The following TNKS variants were observed in gnomAD, a reference collection of about 807,000 sequenced individuals.
TNKS encodes poly [ADP-ribose] polymerase tankyrase-1.
TNKS carries 72 observed loss-of-function variants against 135.8 expected under a neutral mutation model. The ratio of observed to expected loss-of-function variants is 0.53; its 90% CI spans 0.44 to 0.64. The LOEUF is 0.64. Among genes scored for constraint, TNKS ranks in the 30% least tolerant of loss-of-function variants. TNKS has a pLI of 0.00. For synonymous variants in TNKS, 849 were observed against 649.3 expected, an observed-to-expected ratio of 1.31 and a Z score of -4.68; for missense variants, 1,769 against 1,674.0, an observed-to-expected ratio of 1.06 and a Z score of -0.99.
intron 3 of TNKS, chr8:9,658,288 GCGGCT>G (rs1444595744): frequency 2.5e-6 from 1 of 405,644 alleles, no homozygotes; most frequent in Non-Finnish European, 4.3e-6. Flanking sequence ...GCCAAGGCAG[GCGGCT>G]GCTCCTTGCC....
intron 3 of TNKS, among the ~76,000 whole-genome samples, chr8:9,666,816 A>G (rs778662440): frequency 1.3e-5 from 2 of 152,158 alleles, no homozygotes; most frequent in African/African-American, 2.4e-5. Context: ...GAGCATTGCT[A>G]TATTATTCCA....
chr8:9,619,048 T>G (rs1292697530), intron 3 of TNKS, among the ~76,000 whole-genome samples: 2 of 152,330 alleles, frequency 1.3e-5, no homozygotes, highest in East Asian at 3.9e-4. Flanking sequence ...TTAGGTAGGT[T>G]GTTTTCAGTC....
chr8:9,565,785 A>G (rs371039729), intron 1 of TNKS, among the ~76,000 whole-genome samples: 96 of 152,212 alleles, frequency 6.3e-4, no homozygotes, highest in South Asian at 2.9e-3. Flanking sequence ...TGAACCCCGG[A>G]GGCAGAGCTT....
chr8:9,712,521 C>T (rs911027154), intron 11 of TNKS, among the ~76,000 whole-genome samples: 1 of 152,106 alleles, frequency 6.6e-6, no homozygotes. Context: ...CCCTCAAATT[C>T]CTAATATCAC....
intron 17 of TNKS, 132 bp from the exon 18 acceptor site, chr8:9,747,892 A>T (rs778514117): frequency 1.6e-5 from 14 of 867,736 alleles, no homozygotes; most frequent in Non-Finnish European, 2.2e-5. Context: ...TCTTTTTTTT[A>T]GAAGAAACTT....
intron 3 of TNKS, among the ~76,000 whole-genome samples, chr8:9,645,733 C>G (rs1051249603): frequency 6.6e-6 from 1 of 152,124 alleles, no homozygotes; most frequent in African/African-American, 2.4e-5. Context: ...TGAGGATCCT[C>G]TGTGTTTGAT....
intron 2 of TNKS, among the ~76,000 whole-genome samples, chr8:9,600,995 G>T (rs139477175): frequency 6.6e-6 from 1 of 151,978 alleles, no homozygotes; most frequent in Non-Finnish European, 1.5e-5. Context: ...TTCTTTATTC[G>T]TTACAAAGTA....
At chr8:9,617,456 C>G (rs1799689005) in intron 3 of TNKS, among the ~76,000 whole-genome samples, 1 of 152,128 alleles carries the variant, frequency 6.6e-6, no homozygotes, top group Admixed American at 6.5e-5. Flanking sequence ...TGGAAATGAT[C>G]TACAGCTTTT....
At chr8:9,666,824 C>G (rs971342591) in intron 3 of TNKS, among the ~76,000 whole-genome samples, 3 of 151,960 alleles carry the variant, frequency 2.0e-5, no homozygotes, top group Non-Finnish European at 4.4e-5. Flanking sequence ...CTATATTATT[C>G]CAAAGGCTGG....
chr8:9,730,788 T>G, intron 13 of TNKS, 102 bp from the exon 14 acceptor site: 1 of 1,317,764 alleles, frequency 7.6e-7, no homozygotes. Flanking sequence ...CATTAGACAA[T>G]TATAATTTAC....
intron 23 of TNKS, among the ~76,000 whole-genome samples, chr8:9,765,219 C>G (rs1342418855): frequency 6.6e-6 from 1 of 152,078 alleles, no homozygotes; most frequent in African/African-American, 2.4e-5. Flanking sequence ...TAATATGGAA[C>G]AGATGACTCA....
chr8:9,727,854 ATAGTAAATTT>A (rs1456431971), intron 13 of TNKS, among the ~76,000 whole-genome samples: 1 of 152,234 alleles, frequency 6.6e-6, no homozygotes, highest in Non-Finnish European at 1.5e-5. Context: ...TTAAAGAATA[ATAGTAAATTT>A]TAGTTGTGAT....
intron 3 of TNKS, among the ~76,000 whole-genome samples, chr8:9,652,139 G>T (rs1450818728): frequency 6.6e-6 from 1 of 152,180 alleles, no homozygotes; most frequent in East Asian, 1.9e-4. Context: ...GCTGTTAGAA[G>T]TCAATAGGTC....
intron 3 of TNKS, among the ~76,000 whole-genome samples, chr8:9,625,700 A>G (rs1237905422): frequency 6.6e-6 from 1 of 152,110 alleles, no homozygotes; most frequent in African/African-American, 2.4e-5. Context: ...TTTTTCTGCT[A>G]CCTTTCTCAT....
At chr8:9,657,787 C>T (rs910403057) in intron 3 of TNKS, among the ~76,000 whole-genome samples, 1 of 150,546 alleles carries the variant, frequency 6.6e-6, no homozygotes, top group Non-Finnish European at 1.5e-5. Flanking sequence ...GGCTGACCCC[C>T]CCACCTCCCT....
chr8:9,556,928 G>C (rs1355639586), intron 1 of TNKS: 1 of 515,338 alleles, frequency 1.9e-6, no homozygotes, highest in Non-Finnish European at 3.4e-6. Context: ...AGTTAGATTT[G>C]GACAGCTTTA....
intron 20 of TNKS, among the ~76,000 whole-genome samples, chr8:9,761,305 A>G (rs1807136452): frequency 6.6e-6 from 1 of 152,246 alleles, no homozygotes; most frequent in African/African-American, 2.4e-5. Context: ...TCTCATGGAC[A>G]AAAAGCAAAT....
At chr8:9,746,654 C>T (rs368044517) in intron 17 of TNKS, among the ~76,000 whole-genome samples, 1 of 152,092 alleles carries the variant, frequency 6.6e-6, no homozygotes, top group Non-Finnish European at 1.5e-5. Flanking sequence ...TATTCCATTT[C>T]GTAATCTCCC....
intron 26 of TNKS, among the ~76,000 whole-genome samples, chr8:9,772,845 G>C (rs1019851576): frequency 2.9e-5 from 4 of 139,116 alleles, no homozygotes; most frequent in Admixed American, 2.2e-4. Context: ...GTGTGTGTGT[G>C]TGTGTGTGTG....
Sources: allele counts gnomAD v4.1 joint callset (sites outside exome capture counted in the v4.1 genomes callset), GRCh38; gene constraint gnomAD v4.1.1; transcripts MANE v1.5; gene names NCBI Gene and HGNC (gene_info 2026-07-23, HGNC 2026-07-21).